Variants in PDGFD observed in about 807,000 individuals in gnomAD.
The protein encoded by PDGFD is platelet derived growth factor D, also known as platelet-derived growth factor D.
In PDGFD, 30 loss-of-function variants were observed where a neutral mutation model predicts 44.7. That is an observed-to-expected ratio of 0.67 (90% CI 0.50 to 0.91). The LOEUF (loss-of-function observed/expected upper bound fraction) is 0.91. Among genes scored for constraint, PDGFD ranks in the 40% least tolerant of loss-of-function variants. The pLI is 0.00. For synonymous variants in PDGFD, 173 were observed against 168.4 expected, an observed-to-expected ratio of 1.03 and a Z score of -0.21; for missense variants, 445 against 457.8, an observed-to-expected ratio of 0.97 and a Z score of 0.25.
At chr11:103,951,308 A>G (rs1227836010) in intron 3 of PDGFD, among the ~76,000 whole-genome samples, 1 of 152,116 alleles carries the variant, frequency 6.6e-6, no homozygotes, top group Non-Finnish European at 1.5e-5. Context: ...AATAGGGAGG[A>G]TTCACCTGCT....
intron 1 of PDGFD, among the ~76,000 whole-genome samples, chr11:104,136,907 T>C (rs1862013526): frequency 6.6e-6 from 1 of 152,242 alleles, no homozygotes; most frequent in Admixed American, 6.5e-5. Context: ...CACATTTTAC[T>C]ATCATACATC....
intron 5 of PDGFD, among the ~76,000 whole-genome samples, chr11:103,942,923 T>A (rs1165107577): frequency 6.6e-6 from 1 of 152,148 alleles, no homozygotes; most frequent in Non-Finnish European, 1.5e-5. Context: ...AATGCCTTGC[T>A]TGCCAAAAAA....
intron 1 of PDGFD, among the ~76,000 whole-genome samples, chr11:104,023,345 T>C (rs1177001675): frequency 6.6e-6 from 1 of 152,180 alleles, no homozygotes; most frequent in African/African-American, 2.4e-5. Flanking sequence ...GAGCTCTTGA[T>C]ATCACAAGCT....
chr11:103,936,499 T>G (rs1202522840), intron 5 of PDGFD, among the ~76,000 whole-genome samples: 2 of 152,366 alleles, frequency 1.3e-5, no homozygotes, highest in Non-Finnish European at 2.9e-5. Flanking sequence ...CTATTCTGAC[T>G]TAAGAGAACT....
At chr11:103,910,827 T>C (rs577724433) in intron 6 of PDGFD, among the ~76,000 whole-genome samples, 67 of 152,342 alleles carry the variant, frequency 4.4e-4, no homozygotes, top group Admixed American at 1.9e-3. Flanking sequence ...TAAGATCCAC[T>C]GGCTTGAAAT....
chr11:103,921,099 T>G (rs1205005071), intron 6 of PDGFD, among the ~76,000 whole-genome samples: 1 of 152,166 alleles, frequency 6.6e-6, no homozygotes. Flanking sequence ...CCCACATCTT[T>G]TCTAGTCCTG....
In PDGFD at chr11:104,164,078, T is replaced by C; in HGVS notation, c.-151A>G. 3 of 793,602 alleles carry C rather than the reference T, an allele frequency of 3.8e-6. No homozygotes were observed. The highest frequency in any genetic ancestry group is 5.5e-6 in the Non-Finnish European group (3 of 543,122). 49.2% of individuals were successfully genotyped at this position (793,602 alleles called of 1,614,324 possible). On this transcript the variant is annotated 5_prime_UTR_variant, in exon 1 of 7. Coordinates refer to ENST00000393158, the MANE Select transcript of PDGFD (RefSeq NM_025208.5). ...CTAATCGCCGAGCTCTCCCCAAACT[T>C]CCTGCATGCTGAACTTTCCGAGCGC... is the stretch of plus-strand genomic sequence containing the variant.
rs1351457330 is a variant in PDGFD at position 104,142,327 on chromosome 11, G to A, written c.124+21477C>T. On this transcript the variant is annotated intron_variant, in intron 1 of 6. Coordinates refer to ENST00000393158, the MANE Select transcript of PDGFD (RefSeq NM_025208.5). ...TATAAAAGTAAATATATGTTTATAT[G>A]AATATGTGTGCGTGGTGTACATATA... Among the ~76,000 whole-genome samples, 4 of 151,770 alleles carry A rather than the reference G, an allele frequency of 2.6e-5. No individual in the cohort carries two copies. In the South Asian group the frequency reaches 8.3e-4, roughly 32 times the overall value.
Position 104,001,563 on chromosome 11 carries a change from T to C in PDGFD, c.125-1308A>G, listed in dbSNP as rs112822071. Among the ~76,000 whole-genome samples the C allele has an allele frequency of 5.7e-3, 875 of 152,270 alleles. 10 individuals carry two copies. The highest frequency in any genetic ancestry group is 0.02 in the African/African-American group (830 of 41,562). The stretch of plus-strand genomic sequence containing the variant: ...GTCTGAAGTGAGTACCATATTGTGG[T>C]GCTTGTAATTTTAACCTGTGGAATT... On this transcript the variant is annotated intron_variant, in intron 1 of 6. Transcript: ENST00000393158.
chr11:103,925,192 TC>T, intron 6 of PDGFD, among the ~76,000 whole-genome samples: 1 of 152,342 alleles, frequency 6.6e-6, no homozygotes, highest in South Asian at 2.1e-4. Context: ...ATTTTCTTTA[TC>T]CAGTCTATCA....
At chr11:104,122,906 A>G (rs1861797085) in intron 1 of PDGFD, among the ~76,000 whole-genome samples, 1 of 151,966 alleles carries the variant, frequency 6.6e-6, no homozygotes, top group Admixed American at 6.6e-5. Context: ...TCAGAAAAAA[A>G]AAATTACTAG....
At chr11:104,037,416 T>C (rs773780173) in intron 1 of PDGFD, 1 of 1,614,046 alleles carries the variant, frequency 6.2e-7, no homozygotes, top group South Asian at 1.1e-5. Flanking sequence ...AAGAGAGGCT[T>C]CGTCTCTACA....
intron 1 of PDGFD, among the ~76,000 whole-genome samples, chr11:104,008,909 C>T (rs1044035074): frequency 6.6e-6 from 1 of 151,706 alleles, no homozygotes; most frequent in Non-Finnish European, 1.5e-5. Context: ...AATAATAATG[C>T]AAATTATTAA....
At chr11:104,109,802 C>T (rs746986622) in intron 1 of PDGFD, among the ~76,000 whole-genome samples, 4 of 151,888 alleles carry the variant, frequency 2.6e-5, no homozygotes, top group Non-Finnish European at 5.9e-5. Flanking sequence ...CAAAGTAGTC[C>T]ATTTGGTGTG....
intron 1 of PDGFD, among the ~76,000 whole-genome samples, chr11:104,040,376 GAATT>G (rs1226126813): frequency 3.3e-5 from 5 of 151,986 alleles, no homozygotes; most frequent in Admixed American, 6.5e-5. Context: ...TAAACAAAAT[GAATT>G]AATTAAGCAA....
chr11:104,065,623 G>C (rs761525699), intron 1 of PDGFD, among the ~76,000 whole-genome samples: 3 of 152,076 alleles, frequency 2.0e-5, no homozygotes, highest in Non-Finnish European at 4.4e-5. Flanking sequence ...AGAAAATTCC[G>C]CATTGCTATT....
rs187853847 is a variant in PDGFD, at chr11:103,938,872, C to T, written c.772+4580G>A. Among the ~76,000 whole-genome samples the T allele has an allele frequency of 7.9e-3, 1,196 of 152,068 alleles. 21 individuals carry two copies. Among genetic ancestry groups the T allele is most frequent in the African/African-American group, 0.026 (1,076 of 41,484 alleles). On this transcript the variant is annotated intron_variant, in intron 5 of 6. Transcript: ENST00000393158. ...CAAAGATCAGATAGTTGTAGATATGCGGCATTATTTCTGAGGGCTCTGTTC... is the reference window on the plus strand; with the variant it reads ...CAAAGATCAGATAGTTGTAGATATGTGGCATTATTTCTGAGGGCTCTGTTC...
Position 104,037,707 on chromosome 11 carries a change from A to G in PDGFD, c.125-37452T>C, listed in dbSNP as rs772454143. Reference sequence around the variant, plus strand: ...CTGGGGTTGCTAAAGGAGTGGGCACACAGAGAATTATTGGCCGTGTTCATC... The same window carrying G: ...CTGGGGTTGCTAAAGGAGTGGGCACGCAGAGAATTATTGGCCGTGTTCATC... On this transcript the variant is annotated intron_variant, in intron 1 of 6. Coordinates refer to ENST00000393158, the MANE Select transcript of PDGFD (RefSeq NM_025208.5). 5.6e-6 allele frequency: 9 copies of G among 1,614,164 alleles called. No homozygotes were observed. The South Asian group carries it at 7.7e-5, about 14-fold the overall frequency.
chr11:104,059,747 C>T (rs1399748088), intron 1 of PDGFD, among the ~76,000 whole-genome samples: 1 of 152,276 alleles, frequency 6.6e-6, no homozygotes, highest in Non-Finnish European at 1.5e-5. Flanking sequence ...CAATTTCTTC[C>T]CTGCATTTCA....
Sources: allele counts gnomAD v4.1 joint callset (sites outside exome capture counted in the v4.1 genomes callset), GRCh38; gene constraint gnomAD v4.1.1; transcripts MANE v1.5; gene names NCBI Gene and HGNC (gene_info 2026-07-23, HGNC 2026-07-21).